COL19A1: variants seen among roughly 807,000 people sequenced by gnomAD.
COL19A1 encodes collagen alpha-1(XIX) chain.
Under a neutral mutation model 190.2 loss-of-function variants are expected in COL19A1, and 159 were observed. The observed-to-expected ratio is 0.84, with a 90% confidence interval of 0.73 to 0.95. The LOEUF (loss-of-function observed/expected upper bound fraction) is 0.95. Among genes scored for constraint, COL19A1 ranks in the 40% least tolerant of loss-of-function variants. The pLI is 0.00. For missense variants in COL19A1, 1,418 were observed against 1,431.9 expected, an observed-to-expected ratio of 0.99 and a Z score of 0.16; for synonymous variants, 509 against 458.9, an observed-to-expected ratio of 1.11 and a Z score of -1.39.
chr6:70,032,834 A>G (rs1779146117), intron 12 of COL19A1, among the ~76,000 whole-genome samples: 1 of 152,176 alleles, frequency 6.6e-6, no homozygotes, highest in African/African-American at 2.4e-5. Flanking sequence ...GAACAAATGA[A>G]TTAATAATAA....
intron 11 of COL19A1, among the ~76,000 whole-genome samples, chr6:70,003,985 G>A (rs1777450271): frequency 6.6e-6 from 1 of 152,102 alleles, no homozygotes; most frequent in South Asian, 2.1e-4. Context: ...TTTATATTTT[G>A]GTGTGTTTTT....
At chr6:69,881,139 G>A (rs1035286689) in intron 2 of COL19A1, among the ~76,000 whole-genome samples, 7 of 152,282 alleles carry the variant, frequency 4.6e-5, no homozygotes, top group Non-Finnish European at 7.4e-5. Flanking sequence ...TTTGCAGGTC[G>A]TACTGGGGTG....
At chr6:70,102,367 A>G (rs1402400599) in intron 16 of COL19A1, 145 bp downstream of exon 16, 18 of 657,974 alleles carry the variant, frequency 2.7e-5, no homozygotes, top group Non-Finnish European at 3.8e-5. Context: ...TTGGATGAGT[A>G]GTTCATACTC....
chr6:69,867,426 C>G (rs1392245831), intron 1 of COL19A1: 1 of 153,644 alleles, frequency 6.5e-6, no homozygotes, highest in Admixed American at 6.5e-5. Context: ...AGTCGCGGCG[C>G]GAGGAAGACG....
chr6:69,896,112 A>G (rs960094868), intron 2 of COL19A1, among the ~76,000 whole-genome samples: 1 of 151,830 alleles, frequency 6.6e-6, no homozygotes, highest in Admixed American at 6.6e-5. Context: ...GTTGCTCCAC[A>G]TCCTCATCAA....
intron 9 of COL19A1, among the ~76,000 whole-genome samples, chr6:69,956,494 A>G (rs1324407613): frequency 1.3e-5 from 2 of 152,004 alleles, no homozygotes; most frequent in Non-Finnish European, 2.9e-5. Context: ...TATCTGAAAA[A>G]AATTTAAAAA....
chr6:69,973,330 C>A (rs1405915633), intron 11 of COL19A1, among the ~76,000 whole-genome samples: 2 of 152,170 alleles, frequency 1.3e-5, no homozygotes, highest in Non-Finnish European at 2.9e-5. Context: ...TGCTGGGCTC[C>A]TTGTCCTCAG....
chr6:70,076,663 T>G (rs1053746132), intron 15 of COL19A1, among the ~76,000 whole-genome samples: 3 of 152,160 alleles, frequency 2.0e-5, no homozygotes, highest in African/African-American at 7.2e-5. Context: ...TAGTCTAAAT[T>G]TATCTGTTTT....
At chr6:69,914,485 T>TA (rs1291389937) in intron 4 of COL19A1, among the ~76,000 whole-genome samples, 18 of 152,224 alleles carry the variant, frequency 1.2e-4, no homozygotes, top group South Asian at 2.1e-4. Flanking sequence ...GCCTCACTGA[T>TA]ACTTGTAAAT....
At chr6:70,062,863 A>G (rs1351241088) in intron 14 of COL19A1, among the ~76,000 whole-genome samples, 1 of 152,034 alleles carries the variant, frequency 6.6e-6, no homozygotes, top group Admixed American at 6.6e-5. Flanking sequence ...TTAAACCAAC[A>G]AAGATCAAAA....
intron 23 of COL19A1, among the ~76,000 whole-genome samples, chr6:70,143,607 G>A (rs956921981): frequency 2.0e-5 from 3 of 151,884 alleles, no homozygotes; most frequent in African/African-American, 7.3e-5. Flanking sequence ...CACCGCTTGA[G>A]CCTCTCCTGT....
intron 46 of COL19A1, among the ~76,000 whole-genome samples, chr6:70,185,322 C>A (rs753279001): frequency 7.2e-5 from 11 of 152,152 alleles, no homozygotes; most frequent in Non-Finnish European, 1.6e-4. Context: ...TTAGCAGCAT[C>A]TCTGGCCTTC....
chr6:70,156,327 G>T lies in COL19A1; in HGVS notation c.2196G>T (p.Gly732=), dbSNP rs906125654. 1.6e-5 allele frequency: 26 copies of T among 1,613,200 alleles called. No homozygotes were observed. The highest frequency in any genetic ancestry group is 2.2e-5 in the Non-Finnish European group (26 of 1,179,578). ...CCTCTGTCTTCTAGGGTGATATAGG[G>T]CCACGGGGTCCTCCAGGAATCCCAG... is the stretch of plus-strand genomic sequence containing the variant. The part of the protein sequence containing the change: ...YDSMARKGDI[G]PRGPPGIPGR... The change falls in exon 33 of 51, where the codon GGG becomes GGT. Residue 732 remains glycine, a synonymous_variant. Transcript: ENST00000620364.
chr6:70,092,151 G>A (rs920476649), intron 15 of COL19A1, among the ~76,000 whole-genome samples: 2 of 152,052 alleles, frequency 1.3e-5, no homozygotes, highest in African/African-American at 2.4e-5. Flanking sequence ...ACCGAAGAGC[G>A]CACACACGTC....
At chr6:70,018,773 C>G (rs1348450137) in intron 11 of COL19A1, among the ~76,000 whole-genome samples, 3 of 152,114 alleles carry the variant, frequency 2.0e-5, no homozygotes, top group African/African-American at 4.8e-5. Context: ...CTGAGTCCTA[C>G]TGGAAATCCT....
intron 15 of COL19A1, among the ~76,000 whole-genome samples, chr6:70,084,249 TCGA>T (rs752228181): frequency 6.6e-6 from 1 of 152,078 alleles, no homozygotes; most frequent in Non-Finnish European, 1.5e-5. Flanking sequence ...AACTTTAGGA[TCGA>T]GTTTAGACTT....
intron 17 of COL19A1, among the ~76,000 whole-genome samples, chr6:70,124,417 C>T (rs1282343121): frequency 6.6e-5 from 10 of 152,158 alleles, no homozygotes; most frequent in Non-Finnish European, 1.0e-4. Flanking sequence ...CACATCTTTA[C>T]AGGTCTCCCA....
At chr6:70,181,656 AAC>A (rs56362588) in intron 44 of COL19A1, among the ~76,000 whole-genome samples, 72 of 147,696 alleles carry the variant, frequency 4.9e-4, no homozygotes, top group East Asian at 1.0e-3. Flanking sequence ...AGATAAAAAC[AAC>A]ACACACACAC....
chr6:69,920,144 C>G (rs886576480), intron 4 of COL19A1, among the ~76,000 whole-genome samples: 1 of 152,040 alleles, frequency 6.6e-6, no homozygotes, highest in East Asian at 1.9e-4. Flanking sequence ...AAATAAAAAT[C>G]TTTCTTAATC....
Sources: allele counts gnomAD v4.1 joint callset (sites outside exome capture counted in the v4.1 genomes callset), GRCh38; gene constraint gnomAD v4.1.1; transcripts MANE v1.5; gene names NCBI Gene and HGNC (gene_info 2026-07-23, HGNC 2026-07-21).